ERFL: variants seen among roughly 807,000 people sequenced by gnomAD.
ERFL encodes ETS domain-containing transcription factor ERF-like.
In ERFL, 8 loss-of-function variants were observed where a neutral mutation model predicts 27.9. That is an observed-to-expected ratio of 0.29 (90% CI 0.17 to 0.52). The LOEUF is 0.52. Among genes scored for constraint, ERFL ranks in the 20% least tolerant of loss-of-function variants. The probability of loss-of-function intolerance (pLI) is 0.97; values close to 1 mark genes in which losing one functional copy is unlikely to be tolerated. For missense variants in ERFL, 294 were observed against 444.4 expected (o/e 0.66, Z 3.04); for synonymous variants, 174 against 202.8 (o/e 0.86, Z 1.21).
At position 41,909,118 on chromosome 19, in the gene ERFL, CA is replaced by C; in HGVS notation, c.557del (p.Leu186ArgfsTer179). Reference sequence around the variant, plus strand: ...GCAATTTATCTGTCTCGGAGGTGAACAGGGGTGTCCGGGCCCCTGGCTCTCC... The same window carrying C: ...GCAATTTATCTGTCTCGGAGGTGAACGGGGTGTCCGGGCCCCTGGCTCTCC... ...RLGEPGARTP[L>X]FTSETDKLRL... On this transcript the variant is annotated frameshift_variant, in exon 5 of 6. Transcript: ENST00000597630. LOFTEE classifies it high-confidence loss of function. The surrounding 1 kb of genome is among the most constrained non-coding windows in gnomAD (Gnocchi z 5.2). The C allele has an allele frequency of 8.1e-7, 1 of 1,231,930 alleles. No individual in the cohort carries two copies. The highest frequency in any genetic ancestry group is 1.0e-6 in the Non-Finnish European group (1 of 988,170). 76.3% of individuals were successfully genotyped at this position (1,231,930 alleles called of 1,614,324 possible).
At position 41,917,642 on chromosome 19, in the gene ERFL, GCACA is replaced by G. The variant is rs200994774; in HGVS notation, c.-13-4714_-13-4711del. On this transcript the variant is annotated intron_variant, in intron 1 of 5. Transcript: ENST00000597630. This position sits in a 1 kb window ranked among gnomAD's most constrained non-coding sequence, Gnocchi z 4.8. ...CCGCATGCACACACCATGCCCCAAA[GCACA>G]CGCACGCACGCACACACACACCCTG... 0.031 allele frequency among the ~76,000 whole-genome samples: 4,664 copies of G among 151,712 alleles called. 104 individuals are homozygous for G. Among genetic ancestry groups the G allele is most frequent in the Middle Eastern group, 0.1 (30 of 294 alleles).
intron 1 of ERFL, among the ~76,000 whole-genome samples, chr19:41,926,727 G>C (rs1214093312): frequency 2.0e-5 from 3 of 152,144 alleles, no homozygotes; most frequent in Non-Finnish European, 2.9e-5. Flanking sequence ...GGGGGAGCGG[G>C]CGGGGGGGCC....
chr19:41,912,711 AT>A, intron 2 of ERFL, 141 bp downstream of exon 2: 1 of 398,694 alleles, frequency 2.5e-6, no homozygotes, highest in East Asian at 3.6e-5. Flanking sequence ...AAGGGGTTTG[AT>A]TTGGGGGACT....
intron 1 of ERFL, among the ~76,000 whole-genome samples, chr19:41,922,066 G>T (rs2074845521): frequency 1.3e-5 from 2 of 151,908 alleles, no homozygotes. Flanking sequence ...GCAGGGAAAT[G>T]ACTGTTATTT....
rs2074809338 is a variant in ERFL, at chr19:41,917,558, C to T, written c.-13-4626G>A. Among the ~76,000 whole-genome samples, 1 of 151,624 alleles carries T rather than the reference C, an allele frequency of 6.6e-6. No homozygotes were observed. The highest frequency in any genetic ancestry group is 1.9e-4 in the East Asian group (1 of 5,156). On this transcript the variant is annotated intron_variant, in intron 1 of 5. Coordinates refer to ENST00000597630, the MANE Select transcript of ERFL (RefSeq NM_001365103.2). This position sits in a 1 kb window ranked among gnomAD's most constrained non-coding sequence, Gnocchi z 4.8. ...TTTTTTTTAAATTTCATATCTTCTCCGGGGCTCTGTCTAAAGAGGAGAGAG... is the reference window on the plus strand; with the variant it reads ...TTTTTTTTAAATTTCATATCTTCTCTGGGGCTCTGTCTAAAGAGGAGAGAG...
intron 1 of ERFL, among the ~76,000 whole-genome samples, chr19:41,919,313 A>G (rs2074823602): frequency 6.6e-6 from 1 of 152,312 alleles, no homozygotes; most frequent in Non-Finnish European, 1.5e-5. Flanking sequence ...ACAAGTTCAC[A>G]GAAGTTGCAG....
At chr19:41,926,698 C>CGCG (rs1555853298) in intron 1 of ERFL, among the ~76,000 whole-genome samples, 1 of 150,832 alleles carries the variant, frequency 6.6e-6, no homozygotes, top group East Asian at 2.0e-4. Flanking sequence ...GCGTCTGGGC[C>CGCG]GCGGCGGCCG....
At chr19:41,914,572 T>TCACCCTCCCCCTCCA (rs1475952806) in intron 1 of ERFL, among the ~76,000 whole-genome samples, 1 of 26,510 alleles carries the variant, frequency 3.8e-5, no homozygotes, top group Non-Finnish European at 8.1e-5. Flanking sequence ...CATCTCTGTC[T>TCACCCTCCCCCTCCA]CCGTCTCTCC....
chr19:41,922,988 A>C (rs1246323146), intron 1 of ERFL: 1 of 370,176 alleles, frequency 2.7e-6, no homozygotes, highest in African/African-American at 2.1e-5. Context: ...AGCCAGGTGA[A>C]GGGAATGTGA....
chr19:41,908,345 GTCC>G lies in ERFL; in HGVS notation c.945_947del (p.Glu315del). On this transcript the variant is annotated inframe_deletion, in exon 6 of 6. Coordinates refer to ENST00000597630, the MANE Select transcript of ERFL (RefSeq NM_001365103.2). This position sits in a 1 kb window ranked among gnomAD's most constrained non-coding sequence, Gnocchi z 6.7. ...CGGTGATCTCCAGCTCCGAGTCGCT[GTCC>G]TCCTTCCCACCAAGGGCAGCCTCTG... The G allele has an allele frequency of 1.6e-6, 2 of 1,231,474 alleles. No individual in the cohort carries two copies. Among genetic ancestry groups the G allele is most frequent in the Non-Finnish European group, 2.0e-6 (2 of 987,796 alleles). 76.3% of individuals were successfully genotyped at this position (1,231,474 alleles called of 1,614,324 possible).
chr19:41,910,903 A>G lies in ERFL; in HGVS notation c.68-806T>C, dbSNP rs967294465. Among the ~76,000 whole-genome samples, 8 of 151,972 alleles carry G rather than the reference A, an allele frequency of 5.3e-5. No homozygotes were observed. Among genetic ancestry groups the G allele is most frequent in the Non-Finnish European group, 8.8e-5 (6 of 67,930 alleles). On this transcript the variant is annotated intron_variant, in intron 2 of 5. Coordinates refer to ENST00000597630, the MANE Select transcript of ERFL (RefSeq NM_001365103.2). The surrounding 1 kb of genome is among the most constrained non-coding windows in gnomAD (Gnocchi z 4.4). Reference sequence around the variant, plus strand: ...CAAGACTCAAGGTCACGTCATCTCAACAACCCCACAGTGCACACCCATCAC... The same window carrying G: ...CAAGACTCAAGGTCACGTCATCTCAGCAACCCCACAGTGCACACCCATCAC...
rs145152183 is a variant in ERFL, at chr19:41,911,208, C to T, written c.68-1111G>A. Among the ~76,000 whole-genome samples the T allele has an allele frequency of 1.4e-4, 21 of 152,248 alleles. No individual in the cohort carries two copies. In the East Asian group the frequency reaches 4.1e-3, roughly 29 times the overall value. On this transcript the variant is annotated intron_variant, in intron 2 of 5. Coordinates refer to ENST00000597630, the MANE Select transcript of ERFL (RefSeq NM_001365103.2). ...GGGGAGTACTCCACTGTCCACATAC[C>T]CCCAGGAGCTGGGCACCCCGAAATC...
rs1486700277 is a variant in ERFL at position 41,921,119 on chromosome 19, T to C, written c.-14+6921A>G. ...ACGCACCCCGCCTACCAAACAGCTC[T>C]GGGGGAGGGGAGAGGGAGGGTGGAG... is the stretch of plus-strand genomic sequence containing the variant. On this transcript the variant is annotated intron_variant, in intron 1 of 5. Transcript: ENST00000597630. This position sits in a 1 kb window ranked among gnomAD's most constrained non-coding sequence, Gnocchi z 4.4. Among the ~76,000 whole-genome samples the C allele has an allele frequency of 6.6e-6, 1 of 151,392 alleles. No individual in the cohort carries two copies. The highest frequency in any genetic ancestry group is 1.5e-5 in the Non-Finnish European group (1 of 67,822).
At position 41,909,044 on chromosome 19, in the gene ERFL, A is replaced by G. The variant is rs1340665768; in HGVS notation, c.616+16T>C. Reference sequence around the variant, plus strand: ...CCCACTGTGCCCCCAGCACCCCAGAACCTCCAGGCTCTTACCAGAGCCCAG... The same window carrying G: ...CCCACTGTGCCCCCAGCACCCCAGAGCCTCCAGGCTCTTACCAGAGCCCAG... On this transcript the variant is annotated intron_variant, in intron 5 of 5. Transcript: ENST00000597630. This position sits in a 1 kb window ranked among gnomAD's most constrained non-coding sequence, Gnocchi z 5.2. The G allele has an allele frequency of 1.1e-5, 13 of 1,218,060 alleles. No individual in the cohort carries two copies. The African/African-American group carries it at 1.7e-4, about 16-fold the overall frequency. 75.5% of individuals were successfully genotyped at this position (1,218,060 alleles called of 1,614,324 possible).
Position 41,909,363 on chromosome 19 carries a change from C to T in ERFL, c.411G>A (p.Ala137=), listed in dbSNP as rs1362895511. ...AGAGTGGGGAGCCAGTGGCAGCTGC[C>T]GCCATGTCCAGCAGCGGGTAATTGA... The part of the protein sequence containing the change: ...VLVNYPLLDM[A]AAATGSPLLL... Residue 137 remains alanine (A), a synonymous_variant, in exon 4 of 6, where the codon GCG becomes GCA. Coordinates refer to ENST00000597630, the MANE Select transcript of ERFL (RefSeq NM_001365103.2). The surrounding 1 kb of genome is among the most constrained non-coding windows in gnomAD (Gnocchi z 5.2). 10 of 1,235,846 alleles carry T rather than the reference C, an allele frequency of 8.1e-6. No homozygotes were observed. The highest frequency in any genetic ancestry group is 1.6e-5 in the African/African-American group (1 of 64,502). The allele number at this position is 1,235,846 out of a possible 1,614,324, so 76.6% of individuals were successfully genotyped here.
intron 1 of ERFL, chr19:41,923,076 C>CT: frequency 2.2e-6 from 1 of 451,208 alleles, no homozygotes; most frequent in South Asian, 1.6e-5. Context: ...TGACCCAGGC[C>CT]TTTTGCTTCC....
chr19:41,912,184 C>T (rs1457777957), intron 2 of ERFL, among the ~76,000 whole-genome samples: 2 of 152,214 alleles, frequency 1.3e-5, no homozygotes, highest in African/African-American at 2.4e-5. Context: ...AATACACAAG[C>T]TCACACAAAG....
rs2074743618 is a variant in ERFL, at chr19:41,910,054, A to G, written c.111T>C (p.Pro37=). The G allele has an allele frequency of 6.2e-7, 1 of 1,613,390 alleles. No individual in the cohort carries two copies. The highest frequency in any genetic ancestry group is 1.7e-5 in the Admixed American group (1 of 59,984). ...PDWAYKPESS[P]GSRQIQLWHF... ...GCCACAGCTGGATCTGCCTCGAGCC[A>G]GGGGATGACTCTGGCTTGTAGGCCC... The change falls in exon 3 of 6, where the codon CCT becomes CCC. Residue 37 remains proline, a synonymous_variant. Coordinates refer to ENST00000597630, the MANE Select transcript of ERFL (RefSeq NM_001365103.2). The surrounding 1 kb of genome is among the most constrained non-coding windows in gnomAD (Gnocchi z 4.4).
At chr19:41,915,331 G>A (rs1375992704) in intron 1 of ERFL, among the ~76,000 whole-genome samples, 8 of 151,176 alleles carry the variant, frequency 5.3e-5, no homozygotes, top group Middle Eastern at 3.2e-3. Flanking sequence ...CCCAGCCTTC[G>A]TCCTGTGTCA....
Sources: gnomAD v4.1 joint callset for allele counts (sites outside exome capture counted in the v4.1 genomes callset) on GRCh38, gnomAD v4.1.1 for gene constraint, Gnocchi (gnomAD v3.1) non-coding constraint, MANE v1.5 for transcripts, NCBI Gene and HGNC (gene_info 2026-07-23, HGNC 2026-07-21) for gene names.